SOX6: variants seen among roughly 807,000 people sequenced by gnomAD.
The protein encoded by SOX6 is SRY-box transcription factor 6.
SOX6 carries 11 observed loss-of-function variants against 97.8 expected under a neutral mutation model. The ratio of observed to expected loss-of-function variants is 0.11; its 90% CI spans 0.07 to 0.19. The LOEUF (loss-of-function observed/expected upper bound fraction) is 0.19. Among genes scored for constraint, SOX6 ranks in the 10% least tolerant of loss-of-function variants. SOX6 has a pLI of 1.00. For missense variants in SOX6, 810 were observed against 1,039.5 expected, an observed-to-expected ratio of 0.78 and a Z score of 3.04; for synonymous variants, 360 against 371.4, an observed-to-expected ratio of 0.97 and a Z score of 0.35.
intron 15 of SOX6, among the ~76,000 whole-genome samples, chr11:15,975,841 A>G (rs2119786066): frequency 6.6e-6 from 1 of 152,284 alleles, no homozygotes; most frequent in South Asian, 2.1e-4. Flanking sequence ...GAAAAAACTT[A>G]GCAATTTAAA....
chr11:16,639,411 T>C (rs1848854355), intron 3 of SOX6, among the ~76,000 whole-genome samples: 1 of 152,206 alleles, frequency 6.6e-6, no homozygotes, highest in Non-Finnish European at 1.5e-5. Flanking sequence ...CTTTTTTGGT[T>C]CCTTACGAAC....
chr11:16,614,156 A>G (rs1304021380), intron 3 of SOX6, among the ~76,000 whole-genome samples: 1 of 152,218 alleles, frequency 6.6e-6, no homozygotes, highest in Non-Finnish European at 1.5e-5. Context: ...ACTAACTCCC[A>G]GGGCAGTGGC....
chr11:16,567,316 T>C (rs1847882693), intron 4 of SOX6: 1 of 152,644 alleles, frequency 6.6e-6, no homozygotes, highest in Non-Finnish European at 1.5e-5. Flanking sequence ...GAAATATTTT[T>C]AAAAGCCAAC....
intron 9 of SOX6, among the ~76,000 whole-genome samples, chr11:16,067,879 T>C (rs1430569587): frequency 1.3e-5 from 2 of 152,070 alleles, no homozygotes; most frequent in Non-Finnish European, 2.9e-5. Context: ...TTGTAGAGGA[T>C]AAAGAAAGGA....
chr11:16,108,353 G>T (rs1020570578), intron 7 of SOX6, among the ~76,000 whole-genome samples: 1 of 152,036 alleles, frequency 6.6e-6, no homozygotes, highest in African/African-American at 2.4e-5. Context: ...TAAAGCAATG[G>T]GTCAGCTAAA....
At chr11:16,453,257 C>T (rs1396236921) in intron 1 of SOX6, among the ~76,000 whole-genome samples, 2 of 152,000 alleles carry the variant, frequency 1.3e-5, no homozygotes, top group African/African-American at 4.8e-5. Flanking sequence ...GAAAATGGGA[C>T]TGTTATTATT....
At chr11:16,305,142 G>A (rs767631230) in intron 3 of SOX6, among the ~76,000 whole-genome samples, 13 of 151,988 alleles carry the variant, frequency 8.6e-5, no homozygotes, top group South Asian at 4.2e-4. Context: ...GCTAAAGACC[G>A]GGAGAAAATA....
chr11:16,194,219 T>C (rs578251684), intron 4 of SOX6, among the ~76,000 whole-genome samples: 15 of 152,282 alleles, frequency 9.9e-5, no homozygotes, highest in Non-Finnish European at 8.8e-5. Flanking sequence ...ATGGCCCTAG[T>C]GCATCATAAA....
intron 13 of SOX6, among the ~76,000 whole-genome samples, chr11:16,011,371 T>C (rs1373946444): frequency 6.6e-6 from 1 of 152,096 alleles, no homozygotes; most frequent in African/African-American, 2.4e-5. Context: ...ACCAATGAAT[T>C]TGTAGTTTTA....
At chr11:16,340,761 C>T (rs1856603674) in intron 2 of SOX6, among the ~76,000 whole-genome samples, 1 of 151,752 alleles carries the variant, frequency 6.6e-6, no homozygotes, top group African/African-American at 2.4e-5. Flanking sequence ...ATAACCAATC[C>T]CCCCACAAAA....
chr11:16,331,076 G>T (rs1423890930), intron 2 of SOX6, among the ~76,000 whole-genome samples: 2 of 152,106 alleles, frequency 1.3e-5, no homozygotes, highest in Admixed American at 1.3e-4. Flanking sequence ...ATTCCATAGA[G>T]CTCCTCTTAA....
chr11:16,418,552 T>C (rs1425226780), intron 1 of SOX6, among the ~76,000 whole-genome samples: 1 of 152,168 alleles, frequency 6.6e-6, no homozygotes, highest in Non-Finnish European at 1.5e-5. Context: ...AAGTAACAAA[T>C]GTCTAGCTCG....
intron 9 of SOX6, among the ~76,000 whole-genome samples, chr11:16,068,092 G>A (rs1848136318): frequency 6.6e-6 from 1 of 152,202 alleles, no homozygotes; most frequent in Admixed American, 6.5e-5. Context: ...GAGGAAACAA[G>A]TAGGGTACGG....
At chr11:16,630,969 T>C (rs1848698998) in intron 3 of SOX6, among the ~76,000 whole-genome samples, 1 of 151,226 alleles carries the variant, frequency 6.6e-6, no homozygotes, top group Admixed American at 6.9e-5. Context: ...TTTGAGCCTA[T>C]GGATGTTGTT....
intron 4 of SOX6, among the ~76,000 whole-genome samples, chr11:16,204,210 A>C (rs1210778545): frequency 6.6e-6 from 1 of 152,164 alleles, no homozygotes; most frequent in Non-Finnish European, 1.5e-5. Flanking sequence ...TTGACCCAAA[A>C]TTTAAACTCT....
chr11:16,412,288 A>T (rs1304722198), intron 1 of SOX6, among the ~76,000 whole-genome samples: 1 of 152,244 alleles, frequency 6.6e-6, no homozygotes, highest in East Asian at 1.9e-4. Context: ...TATGCTCATG[A>T]AAAGTAAACT....
intron 3 of SOX6, among the ~76,000 whole-genome samples, chr11:16,658,872 T>C (rs1000571596): frequency 2.6e-5 from 4 of 152,242 alleles, no homozygotes; most frequent in Non-Finnish European, 4.4e-5. Context: ...TATAAGTAGT[T>C]ATCCTTTTAG....
At chr11:16,501,437 A>T (rs1215853729) in intron 4 of SOX6, among the ~76,000 whole-genome samples, 1 of 152,234 alleles carries the variant, frequency 6.6e-6, no homozygotes, top group East Asian at 1.9e-4. Context: ...ATGCAATGGC[A>T]ACAAAAGCCA....
intron 3 of SOX6, among the ~76,000 whole-genome samples, chr11:16,289,186 T>C (rs1854836084): frequency 6.6e-6 from 1 of 152,018 alleles, no homozygotes; most frequent in Non-Finnish European, 1.5e-5. Context: ...TAAAATCAGT[T>C]ACATGAAGTA....
Sources: allele counts gnomAD v4.1 joint callset (sites outside exome capture counted in the v4.1 genomes callset), GRCh38; gene constraint gnomAD v4.1.1; transcripts MANE v1.5; gene names NCBI Gene and HGNC (gene_info 2026-07-23, HGNC 2026-07-21).